ITGB8: variants seen among roughly 807,000 people sequenced by gnomAD.
ITGB8 encodes integrin beta-8.
A neutral mutation model predicts 89.5 loss-of-function variants in ITGB8; 30 were observed. That is an observed-to-expected ratio of 0.34 (90% confidence interval 0.25 to 0.45). The LOEUF (loss-of-function observed/expected upper bound fraction) is 0.45, where lower values mean the gene tolerates loss of function less well. Among genes scored for constraint, ITGB8 ranks in the 20% least tolerant of loss-of-function variants. The pLI is 1.00. For missense variants in ITGB8, 836 were observed against 933.3 expected, an observed-to-expected ratio of 0.90 and a Z score of 1.36; for synonymous variants, 335 against 320.4, an observed-to-expected ratio of 1.05 and a Z score of -0.49.
rs1785379317 is a variant in ITGB8, at chr7:20,358,501, T to G, written c.128-5136T>G. Among the ~76,000 whole-genome samples the G allele has an allele frequency of 2.6e-5, 4 of 151,990 alleles. No individual in the cohort carries two copies. In the South Asian group the frequency reaches 8.3e-4, roughly 32 times the overall value. ...TTTCTTCCTGCTCTTTCCTGAAAATTTTCACACAGCTATAGCAAGGCAAAG... is the reference window on the plus strand; with the variant it reads ...TTTCTTCCTGCTCTTTCCTGAAAATGTTCACACAGCTATAGCAAGGCAAAG... On this transcript the variant is annotated intron_variant, in intron 1 of 13. Transcript: ENST00000222573.
intron 1 of ITGB8, among the ~76,000 whole-genome samples, chr7:20,332,392 A>G (rs1784434729): frequency 6.6e-6 from 1 of 152,178 alleles, no homozygotes; most frequent in Non-Finnish European, 1.5e-5. Flanking sequence ...TTGAGTCCAG[A>G]AAAAGACAGC....
At chr7:20,367,498 CTCT>C (rs1328084092) in intron 3 of ITGB8, among the ~76,000 whole-genome samples, 6 of 152,176 alleles carry the variant, frequency 3.9e-5, no homozygotes, top group Middle Eastern at 3.4e-3. Context: ...GTTTATTCCA[CTCT>C]CTTTTTCCAA....
chr7:20,333,630 G>A lies in ITGB8; in HGVS notation c.127+1697G>A, dbSNP rs186249527. Among the ~76,000 whole-genome samples, 20 of 152,208 alleles carry A rather than the reference G, an allele frequency of 1.3e-4. No individual in the cohort carries two copies. In the East Asian group the frequency reaches 2.5e-3, roughly 19 times the overall value. On this transcript the variant is annotated intron_variant, in intron 1 of 13. Transcript: ENST00000222573. ...ACATTAGTCAGGCTCTTGTGAAAAA[G>A]CATTGCATTTCTACCCAGTGTCTAA...
chr7:20,384,295 C>T (rs1786516895), intron 6 of ITGB8, among the ~76,000 whole-genome samples: 1 of 148,264 alleles, frequency 6.7e-6, no homozygotes, highest in South Asian at 2.1e-4. Context: ...TTTCTTGATT[C>T]AAGAGTCTTG....
intron 1 of ITGB8, among the ~76,000 whole-genome samples, chr7:20,348,742 T>C (rs1478816466): frequency 6.6e-6 from 1 of 152,178 alleles, no homozygotes; most frequent in Non-Finnish European, 1.5e-5. Flanking sequence ...ATAAGAGCTG[T>C]GACCTTTGAA....
At chr7:20,391,712 A>C (rs1431827696) in intron 7 of ITGB8, among the ~76,000 whole-genome samples, 3 of 152,198 alleles carry the variant, frequency 2.0e-5, no homozygotes, top group Non-Finnish European at 2.9e-5. Context: ...ACCAAATCTG[A>C]GAACTGAGAA....
chr7:20,355,140 C>T (rs1326588209), intron 1 of ITGB8, among the ~76,000 whole-genome samples: 1 of 152,194 alleles, frequency 6.6e-6, no homozygotes. Context: ...ATGCCTGGAA[C>T]ATCAACCCGC....
chr7:20,364,540 G>C (rs1785621256), intron 2 of ITGB8: 1 of 152,186 alleles, frequency 6.6e-6, no homozygotes, highest in Non-Finnish European at 1.5e-5. Flanking sequence ...TAGAGGCAGG[G>C]GAGGGGTTCA....
chr7:20,361,612 G>A (rs1156593675), intron 1 of ITGB8, among the ~76,000 whole-genome samples: 1 of 152,292 alleles, frequency 6.6e-6, no homozygotes, highest in African/African-American at 2.4e-5. Context: ...TTGCATTAGA[G>A]GCTAAGGTTC....
chr7:20,375,734 T>C (rs945035849), intron 3 of ITGB8, among the ~76,000 whole-genome samples: 1 of 152,320 alleles, frequency 6.6e-6, no homozygotes, highest in African/African-American at 2.4e-5. Flanking sequence ...TCTATTAATA[T>C]TCAATACAAA....
Position 20,410,098 on chromosome 7 carries a change from T to A in ITGB8, c.*101T>A. ...ACAGGAGGAGACAAATTGCTCACGG[T>A]CATGCCAGTTGCTGGTTGTACACTC... On this transcript the variant is annotated 3_prime_UTR_variant, in exon 14 of 14. Transcript: ENST00000222573. 1 of 1,179,542 alleles carries A rather than the reference T, an allele frequency of 8.5e-7. No homozygotes were observed. The highest frequency in any genetic ancestry group is 1.2e-6 in the Non-Finnish European group (1 of 826,544). The allele number at this position is 1,179,542 out of a possible 1,614,324, so 73.1% of individuals were successfully genotyped here. A position where few individuals can be genotyped will look rare whatever the true frequency, so the allele number is the denominator to read the frequency against.
intron 1 of ITGB8, among the ~76,000 whole-genome samples, chr7:20,356,203 T>G (rs1428281816): frequency 6.6e-6 from 1 of 152,208 alleles, no homozygotes; most frequent in African/African-American, 2.4e-5. Flanking sequence ...CACCTACTCC[T>G]TCCCTTTATT....
chr7:20,337,415 T>C (rs560465939), intron 1 of ITGB8, among the ~76,000 whole-genome samples: 1 of 152,332 alleles, frequency 6.6e-6, no homozygotes, highest in South Asian at 2.1e-4. Flanking sequence ...TACAGCTTTA[T>C]GACAGGCACT....
chr7:20,372,067 G>A (rs542761217), intron 3 of ITGB8, among the ~76,000 whole-genome samples: 1 of 152,124 alleles, frequency 6.6e-6, no homozygotes, highest in African/African-American at 2.4e-5. Flanking sequence ...ATACAAATAT[G>A]CCTATTTTTC....
chr7:20,346,083 G>A (rs1784912886), intron 1 of ITGB8, among the ~76,000 whole-genome samples: 1 of 152,146 alleles, frequency 6.6e-6, no homozygotes, highest in Non-Finnish European at 1.5e-5. Flanking sequence ...TGTCAAAGCT[G>A]GGGGTGGGAT....
chr7:20,366,389 A>C (rs1451180562), intron 2 of ITGB8: 2 of 152,154 alleles, frequency 1.3e-5, no homozygotes, highest in African/African-American at 4.8e-5. Flanking sequence ...AAAAAGACCC[A>C]GGCGTGGGTA....
chr7:20,344,093 G>C (rs1784847089), intron 1 of ITGB8, among the ~76,000 whole-genome samples: 1 of 152,092 alleles, frequency 6.6e-6, no homozygotes, highest in African/African-American at 2.4e-5. Context: ...AGGTATCAAG[G>C]AGATGGGGTG....
rs998511018 is a variant in ITGB8, at chr7:20,386,261, C to T, written c.960+4376C>T. Among the ~76,000 whole-genome samples, 79 of 120,694 alleles carry T rather than the reference C, an allele frequency of 6.5e-4. 1 individual carries two copies. Among genetic ancestry groups the T allele is most frequent in the African/African-American group, 2.0e-3 (66 of 33,286 alleles). The allele number at this position is 120,694 out of a possible 152,430, so 79.2% of individuals were successfully genotyped here. The stretch of plus-strand genomic sequence containing the variant: ...TGAGAACATTTTTTTTTTTTTGAGA[C>T]GGAATCTCACTGTGTCGCCCAGGCT... On this transcript the variant is annotated intron_variant, in intron 6 of 13. Coordinates refer to ENST00000222573, the MANE Select transcript of ITGB8 (RefSeq NM_002214.3).
At chr7:20,336,037 G>C (rs2128125011) in intron 1 of ITGB8, among the ~76,000 whole-genome samples, 2 of 103,086 alleles carry the variant, frequency 1.9e-5, no homozygotes, top group Non-Finnish European at 3.5e-5. Context: ...ACGGAGTCTT[G>C]CTCTGTCGCC....
Sources: allele counts gnomAD v4.1 joint callset (sites outside exome capture counted in the v4.1 genomes callset), GRCh38; gene constraint gnomAD v4.1.1; transcripts MANE v1.5; gene names NCBI Gene and HGNC (gene_info 2026-07-23, HGNC 2026-07-21).